The following BACH2 variants were observed in gnomAD, a reference collection of about 807,000 sequenced individuals.
The protein encoded by BACH2 is transcription regulator protein BACH2.
A neutral mutation model predicts 61.8 loss-of-function variants in BACH2; 5 were observed. The ratio of observed to expected loss-of-function variants is 0.08; its 90% CI spans 0.04 to 0.17. The LOEUF (loss-of-function observed/expected upper bound fraction) is 0.17, where lower values mean the gene tolerates loss of function less well. Among genes scored for constraint, BACH2 ranks in the 10% least tolerant of loss-of-function variants. The pLI is 1.00. For missense variants in BACH2, 824 were observed against 1,091.1 expected (o/e 0.76, Z 3.45); for synonymous variants, 446 against 440.1 (o/e 1.01, Z -0.17).
At chr6:90,293,342 TAGAG>T (rs1406853150) in intron 1 of BACH2, among the ~76,000 whole-genome samples, 1 of 152,190 alleles carries the variant, frequency 6.6e-6, no homozygotes, top group Non-Finnish European at 1.5e-5. Context: ...ACAGCAGAGA[TAGAG>T]AGCCACTAGG....
Position 89,951,584 on chromosome 6 carries a change from C to A in BACH2, c.522G>T (p.Glu174Asp). The A allele has an allele frequency of 6.2e-7, 1 of 1,614,146 alleles. No homozygotes were observed. The highest frequency in any genetic ancestry group is 1.1e-5 in the South Asian group (1 of 91,088). The part of the protein sequence containing the change: ...EDEEEETMDS[E>D]TAKMACPRDQ... ...CCCTGGGGCAAGCCATCTTGGCCGT[C>A]TCTGAATCCATCGTCTCCTCCTCTT... Residue 174 changes from glutamate (E) to aspartate (D), a missense_variant, in exon 7 of 9, where the codon GAG (glutamate) becomes GAT (aspartate). Physicochemically the swap from Glu to Asp is conservative, Grantham distance 45. Coordinates refer to ENST00000257749, the MANE Select transcript of BACH2 (RefSeq NM_021813.4). This position sits in a 1 kb window ranked among gnomAD's most constrained non-coding sequence, Gnocchi z 6.4.
intron 6 of BACH2, among the ~76,000 whole-genome samples, chr6:89,997,437 C>T (rs186697425): frequency 6.6e-6 from 1 of 152,220 alleles, no homozygotes; most frequent in African/African-American, 2.4e-5. Flanking sequence ...AATCTTTCCA[C>T]CTTCCTATTT....
In BACH2 at chr6:89,932,897, A is replaced by G. The variant is rs373238349; in HGVS notation, c.2044-7T>C. 2.8e-5 allele frequency: 43 copies of G among 1,559,260 alleles called. No individual in the cohort carries two copies. Among genetic ancestry groups the G allele is most frequent in the Non-Finnish European group, 3.3e-5 (38 of 1,148,154 alleles). The stretch of plus-strand genomic sequence containing the variant: ...GTTTCTCTTTCTCACACACCTGGAC[A>G]GTAGAGAAAAAAAGAGAAGGGTTGA... On this transcript the variant is annotated splice_polypyrimidine_tract_variant and splice_region_variant and intron_variant, in intron 8 of 8. Transcript: ENST00000257749.
chr6:90,183,715 G>A (rs758696181), intron 4 of BACH2, among the ~76,000 whole-genome samples: 1 of 152,204 alleles, frequency 6.6e-6, no homozygotes, highest in Non-Finnish European at 1.5e-5. Flanking sequence ...CTACTCCCCA[G>A]GCTCTGTGAG....
At chr6:89,956,982 C>T (rs2128358238) in intron 6 of BACH2, among the ~76,000 whole-genome samples, 1 of 152,298 alleles carries the variant, frequency 6.6e-6, no homozygotes, top group South Asian at 2.1e-4. Flanking sequence ...AAAAGGGAAA[C>T]TTACATCTTC....
At chr6:90,171,134 G>T (rs1249125575) in intron 4 of BACH2, among the ~76,000 whole-genome samples, 1 of 152,104 alleles carries the variant, frequency 6.6e-6, no homozygotes, top group Non-Finnish European at 1.5e-5. Flanking sequence ...GCCCAGGCTG[G>T]GTGCAGTGGC....
At chr6:90,107,509 C>T (rs1782976359) in intron 4 of BACH2, among the ~76,000 whole-genome samples, 1 of 152,154 alleles carries the variant, frequency 6.6e-6, no homozygotes, top group African/African-American at 2.4e-5. Context: ...AACTATCTTT[C>T]ACCTTCTTAG....
At chr6:90,107,934 T>C (rs1165111490) in intron 4 of BACH2, among the ~76,000 whole-genome samples, 1 of 152,140 alleles carries the variant, frequency 6.6e-6, no homozygotes, top group East Asian at 1.9e-4. Context: ...ATTGGCTCAG[T>C]GTGTATGCTG....
At chr6:90,162,732 C>T (rs1279834922) in intron 4 of BACH2, among the ~76,000 whole-genome samples, 1 of 152,158 alleles carries the variant, frequency 6.6e-6, no homozygotes, top group African/African-American at 2.4e-5. Context: ...GACAAGCAAG[C>T]AAAGAATGAT....
At chr6:90,209,745 A>G (rs905377533) in intron 3 of BACH2, among the ~76,000 whole-genome samples, 1 of 152,196 alleles carries the variant, frequency 6.6e-6, no homozygotes, top group Admixed American at 6.5e-5. Context: ...AATAGCTTGC[A>G]CTAAACTGAT....
At position 89,932,377 on chromosome 6, in the gene BACH2, G is replaced by C. The variant is rs748591360; in HGVS notation, c.*31C>G. ...GACTGAAGAACGCCTGGATGGGAGA[G>C]GTGTGCGGACTGGGAGGCAGAGCCG... On this transcript the variant is annotated 3_prime_UTR_variant, in exon 9 of 9. Coordinates refer to ENST00000257749, the MANE Select transcript of BACH2 (RefSeq NM_021813.4). 1 of 1,595,788 alleles carries C rather than the reference G, an allele frequency of 6.3e-7. No homozygotes were observed. The highest frequency in any genetic ancestry group is 1.1e-5 in the South Asian group (1 of 89,584).
intron 3 of BACH2, among the ~76,000 whole-genome samples, chr6:90,242,145 TAC>T (rs1284251988): frequency 6.6e-6 from 1 of 152,204 alleles, no homozygotes; most frequent in African/African-American, 2.4e-5. Context: ...CTCTTTATGT[TAC>T]ACAGTTGTAT....
rs1192437323 is a variant in BACH2 at position 89,927,716 on chromosome 6, T to C, written c.*4692A>G. The C allele has an allele frequency of 6.5e-6, 1 of 152,824 alleles. No individual in the cohort carries two copies. The highest frequency in any genetic ancestry group is 1.5e-5 in the Non-Finnish European group (1 of 68,044). The allele number at this position is 152,824 out of a possible 1,614,324, so 9.5% of individuals were successfully genotyped here. A position where few individuals can be genotyped will look rare whatever the true frequency, so the allele number is the denominator to read the frequency against. On this transcript the variant is annotated 3_prime_UTR_variant, in exon 9 of 9. Transcript: ENST00000257749. ...ATATTACATTTAAAATGCACTGATA[T>C]TCATTTGATAGAAATATCATCTCCC...
chr6:90,227,648 G>A (rs1769960383), intron 3 of BACH2, among the ~76,000 whole-genome samples: 1 of 152,152 alleles, frequency 6.6e-6, no homozygotes, highest in Non-Finnish European at 1.5e-5. Flanking sequence ...TAAAGAAGCA[G>A]AGTTAATTTC....
chr6:90,014,828 G>T (rs1777970868), intron 5 of BACH2, among the ~76,000 whole-genome samples: 1 of 151,842 alleles, frequency 6.6e-6, no homozygotes, highest in Non-Finnish European at 1.5e-5. Flanking sequence ...GCCCTGGCTG[G>T]AGTGCAGTGG....
At chr6:90,271,225 C>T (rs1455443883) in intron 2 of BACH2, among the ~76,000 whole-genome samples, 2 of 149,178 alleles carry the variant, frequency 1.3e-5, no homozygotes, top group Admixed American at 6.7e-5. Context: ...ATAGTTGGGA[C>T]CTAATTAAAC....
chr6:89,954,292 GTTTT>G (rs1268440823), intron 6 of BACH2, among the ~76,000 whole-genome samples: 1 of 135,090 alleles, frequency 7.4e-6, no homozygotes, highest in Non-Finnish European at 1.7e-5. Context: ...TGTTCACACA[GTTTT>G]TCTTTTTTTT....
chr6:90,260,251 G>A (rs557904275), intron 2 of BACH2, among the ~76,000 whole-genome samples: 21 of 151,986 alleles, frequency 1.4e-4, no homozygotes, highest in Non-Finnish European at 2.8e-4. Context: ...TTGTGTTTCC[G>A]TTGTCATTTG....
chr6:90,230,832 TCA>T (rs1770072738), intron 3 of BACH2, among the ~76,000 whole-genome samples: 1 of 152,162 alleles, frequency 6.6e-6, no homozygotes, highest in Admixed American at 6.5e-5. Context: ...TTGCTCAAGA[TCA>T]CAGTGTGAGT....
Sources: gnomAD v4.1 joint callset for allele counts (sites outside exome capture counted in the v4.1 genomes callset) on GRCh38, gnomAD v4.1.1 for gene constraint, Gnocchi (gnomAD v3.1) non-coding constraint, MANE v1.5 for transcripts, NCBI Gene and HGNC (gene_info 2026-07-23, HGNC 2026-07-21) for gene names.